Variants in MEI4 observed in about 807,000 individuals in gnomAD.
MEI4 encodes meiotic double-stranded break formation protein 4.
In MEI4, 27 loss-of-function variants were observed where a neutral mutation model predicts 31.4. That is an observed-to-expected ratio of 0.86 (90% CI 0.63 to 1.19). The LOEUF (loss-of-function observed/expected upper bound fraction) is 1.19, where lower values mean the gene tolerates loss of function less well. MEI4 is among the 50% of genes most tolerant of loss of function. MEI4 has a pLI of 0.00. For synonymous variants in MEI4, 122 were observed against 145.4 expected, an observed-to-expected ratio of 0.84 and a Z score of 1.16; for missense variants, 329 against 398.9, an observed-to-expected ratio of 0.82 and a Z score of 1.49.
intron 4 of MEI4, among the ~76,000 whole-genome samples, chr6:77,888,297 T>C (rs1029941122): frequency 6.6e-6 from 1 of 151,790 alleles, no homozygotes; most frequent in African/African-American, 2.4e-5. Flanking sequence ...CCTGTCACTT[T>C]GTTAATTGTT....
chr6:77,717,013 G>A (rs1196153317), intron 2 of MEI4: 1 of 178,930 alleles, frequency 5.6e-6, no homozygotes, highest in African/African-American at 2.4e-5. Context: ...ATTTGGAAAA[G>A]AAAAAGACAC....
intron 2 of MEI4, among the ~76,000 whole-genome samples, chr6:77,755,587 T>A (rs1767895147): frequency 6.6e-6 from 1 of 152,018 alleles, no homozygotes; most frequent in South Asian, 2.1e-4. Context: ...CCCGGCTAAC[T>A]TTTGTATTTT....
chr6:77,906,921 A>G (rs1393709547), intron 4 of MEI4, among the ~76,000 whole-genome samples: 1 of 152,144 alleles, frequency 6.6e-6, no homozygotes, highest in Non-Finnish European at 1.5e-5. Context: ...TCAAGAGACC[A>G]TGGCTTCAAA....
intron 2 of MEI4, among the ~76,000 whole-genome samples, chr6:77,713,586 TCA>T (rs982749352): frequency 1.3e-5 from 2 of 152,210 alleles, no homozygotes; most frequent in Non-Finnish European, 2.9e-5. Context: ...TGAAAGATCC[TCA>T]GTGTGTTATG....
At chr6:77,841,083 A>C (rs1770344823) in intron 4 of MEI4, among the ~76,000 whole-genome samples, 1 of 151,994 alleles carries the variant, frequency 6.6e-6, no homozygotes, top group African/African-American at 2.4e-5. Flanking sequence ...GCAGAGCAAA[A>C]GTAATGCTTA....
At chr6:77,829,171 T>G in intron 4 of MEI4, 109 bp downstream of exon 4, 1 of 784,542 alleles carries the variant, frequency 1.3e-6, no homozygotes, top group Non-Finnish European at 1.7e-6. Context: ...TTTTAGTTAT[T>G]ACCTTATGTC....
intron 4 of MEI4, among the ~76,000 whole-genome samples, chr6:77,886,617 G>A (rs1214532277): frequency 6.6e-6 from 1 of 152,066 alleles, no homozygotes; most frequent in Non-Finnish European, 1.5e-5. Flanking sequence ...ATTTTTAGTA[G>A]AGATGGGGTT....
At chr6:77,685,202 A>G (rs1466947088) in intron 1 of MEI4, among the ~76,000 whole-genome samples, 1 of 151,466 alleles carries the variant, frequency 6.6e-6, no homozygotes, top group South Asian at 2.1e-4. Context: ...TTGGGTTATT[A>G]TATTTTTTCC....
chr6:77,770,390 CA>C (rs1305331000), intron 3 of MEI4, among the ~76,000 whole-genome samples: 4 of 151,914 alleles, frequency 2.6e-5, no homozygotes, highest in Non-Finnish European at 4.4e-5. Flanking sequence ...AAATGGAAAA[CA>C]TCCAATGCTC....
intron 4 of MEI4, among the ~76,000 whole-genome samples, chr6:77,895,194 G>T (rs1285706265): frequency 6.6e-6 from 1 of 152,052 alleles, no homozygotes; most frequent in Non-Finnish European, 1.5e-5. Context: ...AGTCCTCATG[G>T]ATTCCAACAC....
At chr6:77,806,556 C>T (rs1769446604) in intron 3 of MEI4, among the ~76,000 whole-genome samples, 1 of 152,042 alleles carries the variant, frequency 6.6e-6, no homozygotes, top group Non-Finnish European at 1.5e-5. Context: ...GATACTTGTT[C>T]TGGTTATTGG....
At chr6:77,737,905 C>T (rs192402627) in intron 2 of MEI4, among the ~76,000 whole-genome samples, 22 of 152,110 alleles carry the variant, frequency 1.4e-4, no homozygotes, top group South Asian at 8.3e-4. Flanking sequence ...TTTTTTTGGA[C>T]GAATGAGGTT....
At chr6:77,762,081 C>T (rs994829262) in intron 3 of MEI4, among the ~76,000 whole-genome samples, 1 of 152,104 alleles carries the variant, frequency 6.6e-6, no homozygotes, top group Non-Finnish European at 1.5e-5. Context: ...ATTATCTGTA[C>T]TGTATTGAAT....
intron 2 of MEI4, among the ~76,000 whole-genome samples, chr6:77,710,935 T>A (rs1291631497): frequency 1.3e-5 from 2 of 152,248 alleles, no homozygotes; most frequent in African/African-American, 4.8e-5. Context: ...CACTTAATTT[T>A]AATCTTTTTA....
intron 3 of MEI4, among the ~76,000 whole-genome samples, chr6:77,783,212 C>T (rs1768638968): frequency 6.6e-6 from 1 of 152,106 alleles, no homozygotes; most frequent in Admixed American, 6.6e-5. Flanking sequence ...CTAAGAGAAA[C>T]AAGTCAATTG....
At chr6:77,756,969 G>C (rs1355659208) in intron 2 of MEI4, among the ~76,000 whole-genome samples, 1 of 152,060 alleles carries the variant, frequency 6.6e-6, no homozygotes, top group African/African-American at 2.4e-5. Context: ...ATAACATTTA[G>C]AAATCAATGA....
chr6:77,744,085 G>C (rs991486122), intron 2 of MEI4, among the ~76,000 whole-genome samples: 1 of 152,204 alleles, frequency 6.6e-6, no homozygotes, highest in African/African-American at 2.4e-5. Context: ...AAGGAATGCA[G>C]TTCCTCACCA....
intron 4 of MEI4, among the ~76,000 whole-genome samples, chr6:77,841,333 A>ATTTTTT (rs1239589008): frequency 1.6e-3 from 43 of 27,738 alleles, no homozygotes; most frequent in African/African-American, 2.3e-3. Flanking sequence ...ATATATATAT[A>ATTTTTT]TTTTTTTTTT....
rs1431560538 is a variant in MEI4 at position 77,847,276 on chromosome 6, T to C, written c.900+18214T>C. On this transcript the variant is annotated intron_variant, in intron 4 of 4. Transcript: ENST00000684080. The surrounding 1 kb of genome is among the most constrained non-coding windows in gnomAD (Gnocchi z 4.6). ...CAAAATAATTCTGTGTCTTAGATTA[T>C]AATTAATTCAAGAGAAATGTTGAGT... Among the ~76,000 whole-genome samples, 1 of 152,208 alleles carries C rather than the reference T, an allele frequency of 6.6e-6. No individual in the cohort carries two copies. Among genetic ancestry groups the C allele is most frequent in the Non-Finnish European group, 1.5e-5 (1 of 68,032 alleles).
Sources: allele counts gnomAD v4.1 joint callset (sites outside exome capture counted in the v4.1 genomes callset), GRCh38; gene constraint gnomAD v4.1.1; non-coding constraint Gnocchi (gnomAD v3.1); transcripts MANE v1.5; gene names NCBI Gene and HGNC (gene_info 2026-07-23, HGNC 2026-07-21).